The following HECA variants were observed in gnomAD, a reference collection of about 807,000 sequenced individuals.
HECA encodes HECA ribonucleoprotein granule regulator.
A neutral mutation model predicts 37.6 loss-of-function variants in HECA; 13 were observed. That is an observed-to-expected ratio of 0.35 (90% CI 0.23 to 0.55). The LOEUF (loss-of-function observed/expected upper bound fraction) is 0.55, where lower values mean the gene tolerates loss of function less well. HECA is among the 20% of genes least tolerant of loss of function. The pLI is 0.90. For missense variants in HECA, 527 were observed against 701.9 expected (o/e 0.75, Z 2.82); for synonymous variants, 307 against 291.5 (o/e 1.05, Z -0.54).
intron 2 of HECA, among the ~76,000 whole-genome samples, chr6:139,170,894 G>A (rs372582629): frequency 2.0e-5 from 3 of 152,102 alleles, no homozygotes; most frequent in East Asian, 1.9e-4. Context: ...GATAAAAGGT[G>A]TGGACAGAAT....
At chr6:139,173,968 CAA>C (rs1775014837) in intron 2 of HECA, among the ~76,000 whole-genome samples, 2 of 152,270 alleles carry the variant, frequency 1.3e-5, no homozygotes, top group African/African-American at 4.8e-5. Flanking sequence ...GGACTTGTCA[CAA>C]GAGAGCTTGT....
intron 1 of HECA, among the ~76,000 whole-genome samples, chr6:139,162,327 A>G (rs1041761157): frequency 1.3e-5 from 2 of 152,202 alleles, no homozygotes; most frequent in Admixed American, 6.5e-5. Flanking sequence ...ACTAGATGCC[A>G]GGTGCTTTCT....
At chr6:139,165,118 A>G (rs1383616495) in intron 1 of HECA, among the ~76,000 whole-genome samples, 2 of 152,214 alleles carry the variant, frequency 1.3e-5, no homozygotes, top group South Asian at 4.1e-4. Flanking sequence ...TCTATAAGGT[A>G]GCTACTACAA....
chr6:139,147,892 C>G (rs561530363), intron 1 of HECA, among the ~76,000 whole-genome samples: 2 of 152,320 alleles, frequency 1.3e-5, no homozygotes, highest in East Asian at 3.9e-4. Context: ...TATTGCCAAA[C>G]TGCTCCTACA....
At chr6:139,140,070 C>T (rs1328665495) in intron 1 of HECA, among the ~76,000 whole-genome samples, 1 of 152,138 alleles carries the variant, frequency 6.6e-6, no homozygotes, top group Non-Finnish European at 1.5e-5. Context: ...ACCACCTGTT[C>T]CCTATGCACA....
chr6:139,164,055 CACACACACACAA>C (rs1168900429), intron 1 of HECA, among the ~76,000 whole-genome samples: 1 of 135,152 alleles, frequency 7.4e-6, no homozygotes, highest in Non-Finnish European at 1.6e-5. Flanking sequence ...CTCTCACACA[CACACACACACAA>C]ACACACACAC....
intron 1 of HECA, among the ~76,000 whole-genome samples, chr6:139,140,911 C>T (rs1425580296): frequency 1.3e-5 from 2 of 152,128 alleles, no homozygotes; most frequent in Non-Finnish European, 2.9e-5. Context: ...CTACCTCAGC[C>T]TCCGGAGTAG....
At chr6:139,136,574 T>G (rs1774448236) in intron 1 of HECA, among the ~76,000 whole-genome samples, 1 of 151,956 alleles carries the variant, frequency 6.6e-6, no homozygotes, top group Non-Finnish European at 1.5e-5. Flanking sequence ...TTGTTATATC[T>G]GGCTTTTAAT....
Position 139,167,130 on chromosome 6 carries a change from A to G in HECA, c.1118A>G (p.Gln373Arg). 1 of 1,614,170 alleles carries G rather than the reference A, an allele frequency of 6.2e-7. No homozygotes were observed. The highest frequency in any genetic ancestry group is 8.5e-7 in the Non-Finnish European group (1 of 1,180,030). The part of the protein sequence containing the change: ...TFHVRMEDDA[Q>R]VGQGEDLRKF... Reference sequence around the variant, plus strand: ...CACGTGCGCATGGAAGACGATGCCCAAGTGGGCCAGGGGGAAGACTTGCGG... The same window carrying G: ...CACGTGCGCATGGAAGACGATGCCCGAGTGGGCCAGGGGGAAGACTTGCGG... Residue 373 changes from glutamine (Q) to arginine (R), a missense_variant, in exon 2 of 4, where the codon CAA (glutamine) becomes CGA (arginine). By Grantham distance (43) the Gln-to-Arg change is conservative. Around this residue, in one of 4 missense-constraint regions of HECA, gnomAD observed 228 missense variants for 259.8 expected, o/e 0.88. Coordinates refer to ENST00000367658, the MANE Select transcript of HECA (RefSeq NM_016217.3).
intron 1 of HECA, 79 bp from the exon 2 acceptor site, chr6:139,166,205 T>C (rs1774883168): frequency 5.2e-6 from 6 of 1,148,276 alleles, no homozygotes; most frequent in Non-Finnish European, 3.8e-6. Context: ...AAAAACCTTA[T>C]ACCATACTGT....
In HECA at chr6:139,174,642, A is replaced by C. The variant is rs939196295; in HGVS notation, c.1467+103A>C. On this transcript the variant is annotated intron_variant, in intron 3 of 3. Transcript: ENST00000367658. ...TGGCAATAAAGAAGAAATTCAGTCC[A>C]GCAATGATGGCTGAGTTACTACTTG... is the stretch of plus-strand genomic sequence containing the variant. The C allele has an allele frequency of 1.9e-5, 28 of 1,498,198 alleles. 1 individual carries two copies. The East Asian group carries it at 3.7e-4, about 20-fold the overall frequency. The allele number at this position is 1,498,198 out of a possible 1,614,324, so 92.8% of individuals were successfully genotyped here. A position where few individuals can be genotyped will look rare whatever the true frequency, so the allele number is the denominator to read the frequency against.
intron 1 of HECA, among the ~76,000 whole-genome samples, chr6:139,164,715 GGGGAAGGC>G (rs1774857664): frequency 6.6e-6 from 1 of 152,116 alleles, no homozygotes; most frequent in Non-Finnish European, 1.5e-5. Context: ...AGACACAAGT[GGGGAAGGC>G]TGTTAGTTGT....
intron 1 of HECA, among the ~76,000 whole-genome samples, chr6:139,147,482 G>A (rs943370962): frequency 1.3e-5 from 2 of 152,034 alleles, no homozygotes; most frequent in African/African-American, 2.4e-5. Context: ...AAAATTAGCC[G>A]GATGTGGTGA....
intron 1 of HECA, among the ~76,000 whole-genome samples, chr6:139,157,048 C>G (rs1433141813): frequency 6.6e-6 from 1 of 152,174 alleles, no homozygotes; most frequent in African/African-American, 2.4e-5. Context: ...CAGAGCAGCC[C>G]CAAGGGCTGC....
chr6:139,173,827 A>G (rs1775010584), intron 2 of HECA, among the ~76,000 whole-genome samples: 1 of 152,252 alleles, frequency 6.6e-6, no homozygotes, highest in South Asian at 2.1e-4. Context: ...CGAGTAAGAT[A>G]TAATTCTGGT....
In HECA at chr6:139,178,908, G is replaced by A. The variant is rs1264935721; in HGVS notation, c.*1803G>A. 1.3e-5 allele frequency: 2 copies of A among 152,074 alleles called. No individual in the cohort carries two copies. The highest frequency in any genetic ancestry group is 6.6e-5 in the Admixed American group (1 of 15,262). The allele number at this position is 152,074 out of a possible 1,614,324, so 9.4% of individuals were successfully genotyped here. A position where few individuals can be genotyped will look rare whatever the true frequency, so the allele number is the denominator to read the frequency against. ...TTCTATATGAAGTATTTGATGTTTTGTTTGAAACAATACAGCATTAAAGAA... is the reference window on the plus strand; with the variant it reads ...TTCTATATGAAGTATTTGATGTTTTATTTGAAACAATACAGCATTAAAGAA... On this transcript the variant is annotated 3_prime_UTR_variant, in exon 4 of 4. Transcript: ENST00000367658.
At chr6:139,173,191 A>G (rs1246320145) in intron 2 of HECA, among the ~76,000 whole-genome samples, 3 of 152,218 alleles carry the variant, frequency 2.0e-5, no homozygotes, top group Admixed American at 6.5e-5. Flanking sequence ...GAGTATTTCA[A>G]GAAGTTCTTG....
intron 1 of HECA, among the ~76,000 whole-genome samples, chr6:139,136,906 T>G (rs564575665): frequency 3.8e-4 from 58 of 152,194 alleles, no homozygotes; most frequent in African/African-American, 1.3e-3. Flanking sequence ...AGTGCTGAGA[T>G]TACAGGCGTG....
At chr6:139,162,222 A>C (rs1209057423) in intron 1 of HECA, among the ~76,000 whole-genome samples, 1 of 151,928 alleles carries the variant, frequency 6.6e-6, no homozygotes, top group African/African-American at 2.4e-5. Context: ...CAGGGAGGGG[A>C]GGAGAAGGGT....
Sources: gnomAD v4.1 joint callset for allele counts (sites outside exome capture counted in the v4.1 genomes callset) on GRCh38, gnomAD v4.1.1 for gene constraint, gnomAD v4.1.1 regional missense constraint, MANE v1.5 for transcripts, NCBI Gene and HGNC (gene_info 2026-07-23, HGNC 2026-07-21) for gene names.